ACCS: variants seen among roughly 807,000 people sequenced by gnomAD.
The protein encoded by ACCS is 1-aminocyclopropane-1-carboxylate synthase-like protein 1.
Under a neutral mutation model 59.8 loss-of-function variants are expected in ACCS, and 42 were observed. That is an observed-to-expected ratio of 0.70 (90% confidence interval 0.55 to 0.91). The LOEUF is 0.91. ACCS is among the 40% of genes least tolerant of loss of function. ACCS has a pLI of 0.00. For synonymous variants in ACCS, 230 were observed against 240.3 expected (o/e 0.96, Z 0.40); for missense variants, 602 against 630.4 (o/e 0.95, Z 0.48).
At chr11:44,079,717 A>G (rs1317858603) in intron 10 of ACCS, 97 bp downstream of exon 10, 1 of 1,082,130 alleles carries the variant, frequency 9.2e-7, no homozygotes, top group African/African-American at 1.6e-5. Context: ...GCCTGCCCAG[A>G]GCAATTCCAT....
Position 44,083,283 on chromosome 11 carries a change from G to A in ACCS, c.1226G>A (p.Gly409Asp). The A allele has an allele frequency of 1.2e-6, 2 of 1,614,164 alleles. No homozygotes were observed. ...LGIPFLSRGA[G>D]FFIWVDLRKY... ...ATCCCCTTCTTGAGTCGTGGGGCTG[G>A]CTTCTTCATCTGGGTTGACTTGAGA... The change falls in exon 13 of 15, where the codon GGC (glycine) becomes GAC (aspartate). Residue 409 changes from glycine to aspartate, a missense_variant. Transcript: ENST00000263776.
intron 10 of ACCS, among the ~76,000 whole-genome samples, chr11:44,080,269 A>C (rs888339538): frequency 1.3e-5 from 2 of 152,160 alleles, no homozygotes; most frequent in Non-Finnish European, 2.9e-5. Context: ...TAGTCTGTGA[A>C]TCTCACCTTC....
intron 2 of ACCS, among the ~76,000 whole-genome samples, chr11:44,069,470 G>A (rs988845409): frequency 3.9e-5 from 6 of 152,196 alleles, no homozygotes; most frequent in East Asian, 1.9e-4. Flanking sequence ...GCCTGCCTCC[G>A]CCTCCCAAAG....
intron 1 of ACCS, chr11:44,067,287 G>A (rs1290548429): frequency 4.7e-6 from 1 of 214,952 alleles, no homozygotes; most frequent in Non-Finnish European, 9.3e-6. Context: ...CCTGGCATTT[G>A]GTAATTGAGG....
chr11:44,082,768 G>A (rs1268011357), intron 12 of ACCS, among the ~76,000 whole-genome samples: 1 of 152,122 alleles, frequency 6.6e-6, no homozygotes, highest in African/African-American at 2.4e-5. Flanking sequence ...CAAACAATGA[G>A]GATCAGAGAG....
chr11:44,068,829 T>C (rs751105362), intron 2 of ACCS, among the ~76,000 whole-genome samples: 6 of 152,236 alleles, frequency 3.9e-5, no homozygotes, highest in Admixed American at 2.0e-4. Flanking sequence ...TCTTTATTTG[T>C]TGAGCATCTA....
chr11:44,066,742 C>G (rs1005561892), intron 1 of ACCS, 41 bp downstream of exon 1: 3 of 152,276 alleles, frequency 2.0e-5, no homozygotes, highest in African/African-American at 7.2e-5. Context: ...TAAAGAGTAC[C>G]CCTGAGAAGA....
Position 44,077,279 on chromosome 11 carries a change from A to G in ACCS, c.557A>G (p.Glu186Gly), listed in dbSNP as rs376250182. ...GGCCCTCGCCCACTCCTGCCCCCAG[A>G]GGCTTTCCTGATCCCCACCCCTTAC... ...ALATVLCEAG[E>G]AFLIPTPYYG... The change falls in exon 7 of 15, where the codon GAG (glutamate) becomes GGG (glycine). Residue 186 changes from glutamate to glycine, a missense_variant and splice_region_variant. Coordinates refer to ENST00000263776, the MANE Select transcript of ACCS (RefSeq NM_032592.4). 8.7e-6 allele frequency: 14 copies of G among 1,613,632 alleles called. No individual in the cohort carries two copies. In the African/African-American group the frequency reaches 1.7e-4, roughly 20 times the overall value.
chr11:44,067,333 T>C, intron 1 of ACCS: 1 of 312,732 alleles, frequency 3.2e-6, no homozygotes, highest in Non-Finnish European at 5.9e-6. Flanking sequence ...GATGACCCCT[T>C]AGGCTGGAGA....
chr11:44,070,527 A>G (rs1953000058), intron 2 of ACCS, among the ~76,000 whole-genome samples: 1 of 151,948 alleles, frequency 6.6e-6, no homozygotes, highest in Non-Finnish European at 1.5e-5. Flanking sequence ...TTACTTTTTC[A>G]TCTTCCTTCC....
At position 44,074,734 on chromosome 11, in the gene ACCS, C is replaced by CTCTTTCTTTCTT. The variant is rs202091203; in HGVS notation, c.489+83_489+94dup. 576 of 548,140 alleles carry CTCTTTCTTTCTT rather than the reference C, an allele frequency of 1.1e-3. 65 individuals carry two copies. Among genetic ancestry groups the CTCTTTCTTTCTT allele is most frequent in the Middle Eastern group, 2.5e-3 (6 of 2,430 alleles). 34.0% of individuals were successfully genotyped at this position (548,140 alleles called of 1,614,324 possible). Reference sequence around the variant, plus strand: ...CTGTTCTCCTGCCTCCCCTCTCCATCTCTTTCTTTCTTTCTTTCTTTCTTT... The same window carrying CTCTTTCTTTCTT: ...CTGTTCTCCTGCCTCCCCTCTCCATCTCTTTCTTTCTTTCTTTCTTTCTTTCTTTCTTTCTTT... On this transcript the variant is annotated intron_variant, in intron 5 of 14. Coordinates refer to ENST00000263776, the MANE Select transcript of ACCS (RefSeq NM_032592.4).
intron 4 of ACCS, among the ~76,000 whole-genome samples, chr11:44,073,957 T>C (rs946538577): frequency 3.3e-5 from 5 of 152,182 alleles, no homozygotes; most frequent in African/African-American, 1.2e-4. Flanking sequence ...ATAACACTAA[T>C]AGCTTGTGCT....
chr11:44,066,460 T>G lies in ACCS; in HGVS notation c.-242T>G, dbSNP rs1456456278. The G allele has an allele frequency of 6.6e-6, 1 of 152,342 alleles. No individual in the cohort carries two copies. Among genetic ancestry groups the G allele is most frequent in the Non-Finnish European group, 1.5e-5 (1 of 68,132 alleles). 9.4% of individuals were successfully genotyped at this position (152,342 alleles called of 1,614,324 possible). On this transcript the variant is annotated 5_prime_UTR_variant, in exon 1 of 15. Transcript: ENST00000263776. Reference sequence around the variant, plus strand: ...CTCTGCCTGGAAACCTGGAGCCGTCTCTCGCGAGACGTCCTCCGCCCTGTA... The same window carrying G: ...CTCTGCCTGGAAACCTGGAGCCGTCGCTCGCGAGACGTCCTCCGCCCTGTA...
Position 44,081,197 on chromosome 11 carries a change from C to T in ACCS, c.988C>T (p.Leu330Phe), listed in dbSNP as rs1422573134. Residue 330 changes from leucine to phenylalanine, a missense_variant, in exon 12 of 15, where the codon CTC (leucine) becomes TTC (phenylalanine). Physicochemically the swap from Leu to Phe is conservative, Grantham distance 22 (BLOSUM62 0). Transcript: ENST00000263776. Reference protein sequence around the residue: ...ATSKDFGMSGLRFGTLYTENQ... With the variant: ...ATSKDFGMSGFRFGTLYTENQ... ...CCTGCAGGACTTCGGGATGTCTGGG[C>T]TCCGCTTTGGCACGCTGTACACAGA... is the stretch of plus-strand genomic sequence containing the variant. 8.1e-6 allele frequency: 13 copies of T among 1,614,244 alleles called. No homozygotes were observed. Among genetic ancestry groups the T allele is most frequent in the Non-Finnish European group, 9.3e-6 (11 of 1,180,040 alleles).
chr11:44,080,048 G>T (rs900534696), intron 10 of ACCS, among the ~76,000 whole-genome samples: 1 of 152,214 alleles, frequency 6.6e-6, no homozygotes, highest in Non-Finnish European at 1.5e-5. Flanking sequence ...TAGGTTTACT[G>T]TAAGCAAAGC....
chr11:44,071,398 T>G (rs1444105071), intron 3 of ACCS, 83 bp downstream of exon 3: 4 of 1,518,402 alleles, frequency 2.6e-6, no homozygotes, highest in Non-Finnish European at 3.6e-6. Context: ...AGGAGCCTGC[T>G]GCTTGGCTCA....
chr11:44,067,693 G>C lies in ACCS; in HGVS notation c.66G>C (p.Gln22His), dbSNP rs753776846. 6.2e-7 allele frequency: 1 copy of C among 1,614,214 alleles called. No homozygotes were observed. The highest frequency in any genetic ancestry group is 8.5e-7 in the Non-Finnish European group (1 of 1,180,026). ...CCTGTCTGGGCCCCACCTGCATGCA[G>C]GACCTGGGCAGTAGCCATGGGGAAG... ...PTTCLGPTCM[Q>H]DLGSSHGEDL... The change falls in exon 2 of 15, where the codon CAG becomes CAC. Residue 22 changes from glutamine to histidine, a missense_variant. By Grantham distance (24) the Gln-to-His change is conservative. Coordinates refer to ENST00000263776, the MANE Select transcript of ACCS (RefSeq NM_032592.4).
At chr11:44,068,804 A>G (rs1299640934) in intron 2 of ACCS, among the ~76,000 whole-genome samples, 4 of 152,216 alleles carry the variant, frequency 2.6e-5, no homozygotes, top group Non-Finnish European at 4.4e-5. Context: ...GCTGTTACAA[A>G]TAACCCTTTA....
chr11:44,073,257 G>A (rs1186213450), intron 3 of ACCS, 190 bp from the exon 4 acceptor site: 5 of 624,720 alleles, frequency 8.0e-6, no homozygotes, highest in Non-Finnish European at 8.7e-6. Flanking sequence ...CTGTGACCTT[G>A]GCTGAGTGAC....
Sources: allele counts gnomAD v4.1 joint callset (sites outside exome capture counted in the v4.1 genomes callset), GRCh38; gene constraint gnomAD v4.1.1; transcripts MANE v1.5; gene names NCBI Gene and HGNC (gene_info 2026-07-23, HGNC 2026-07-21).